IL7: variants seen among roughly 807,000 people sequenced by gnomAD.
IL7 encodes interleukin 7, also known as interleukin-7.
Under a neutral mutation model 21.6 loss-of-function variants are expected in IL7, and 3 were observed. That is an observed-to-expected ratio of 0.14 (90% CI 0.06 to 0.36). IL7 has a LOEUF of 0.36. Ranked by LOEUF, IL7 falls within the 10% of genes least tolerant of loss-of-function variation. The pLI, the probability that IL7 is intolerant of heterozygous loss-of-function variation, is 1.00. For missense variants in IL7, 175 were observed against 200.2 expected (o/e 0.87, Z 0.76); for synonymous variants, 62 against 68.1 (o/e 0.91, Z 0.44).
intron 3 of IL7, among the ~76,000 whole-genome samples, chr8:78,727,089 A>T (rs1172826593): frequency 6.6e-6 from 1 of 151,982 alleles, no homozygotes; most frequent in Non-Finnish European, 1.5e-5. Flanking sequence ...GTGGGCCTCT[A>T]TGCCTCTCTT....
At chr8:78,679,520 C>T (rs1293008754) in intron 4 of IL7, 1 of 151,960 alleles carries the variant, frequency 6.6e-6, no homozygotes, top group Non-Finnish European at 1.5e-5. Flanking sequence ...CTGAAAGTTT[C>T]TGATTCATGG....
chr8:78,774,151 T>TA (rs1314538028), intron 2 of IL7, among the ~76,000 whole-genome samples: 1 of 152,128 alleles, frequency 6.6e-6, no homozygotes, highest in Non-Finnish European at 1.5e-5. Flanking sequence ...TTTCATTACT[T>TA]ATAATAATTT....
At chr8:78,754,617 T>C (rs1310721956) in intron 2 of IL7, among the ~76,000 whole-genome samples, 3 of 152,172 alleles carry the variant, frequency 2.0e-5, no homozygotes, top group Non-Finnish European at 4.4e-5. Context: ...GCTGGAGGCG[T>C]CACGCTACCT....
At chr8:78,690,125 A>T (rs1372100088) in intron 3 of IL7, among the ~76,000 whole-genome samples, 3 of 152,206 alleles carry the variant, frequency 2.0e-5, no homozygotes, top group African/African-American at 7.2e-5. Flanking sequence ...GTATGGGTTT[A>T]TTTCAGGACA....
At chr8:78,771,500 A>G (rs2130787996) in intron 2 of IL7, among the ~76,000 whole-genome samples, 1 of 152,230 alleles carries the variant, frequency 6.6e-6, no homozygotes, top group East Asian at 1.9e-4. Context: ...GGAAGAATAA[A>G]GAAACCCTGG....
At chr8:78,701,303 T>C (rs576797408) in intron 3 of IL7, among the ~76,000 whole-genome samples, 1 of 152,304 alleles carries the variant, frequency 6.6e-6, no homozygotes, top group African/African-American at 2.4e-5. Flanking sequence ...TAGCTGTTAT[T>C]AGTGTATAGG....
chr8:78,739,728 T>TA (rs1391260728), intron 3 of IL7, among the ~76,000 whole-genome samples: 1 of 148,210 alleles, frequency 6.7e-6, no homozygotes, highest in Non-Finnish European at 1.5e-5. Flanking sequence ...AGAAAGAAAA[T>TA]AAGAGATAGG....
rs2130658702 is a variant in IL7 at position 78,733,769 on chromosome 8, A to G, written c.478T>C (p.Leu160=). Residue 160 remains leucine, a synonymous_variant, in exon 6 of 6, where the codon TTA becomes CTA. Coordinates refer to ENST00000263851, the MANE Select transcript of IL7 (RefSeq NM_000880.4). ...LNDLCFLKRL[L]QEIKTCWNKI... Reference sequence around the variant, plus strand: ...TTCCAACAAGTTTTTATCTCTTGTAATAGTCTCTTTAGGAAACACAAGTCA... The same window carrying G: ...TTCCAACAAGTTTTTATCTCTTGTAGTAGTCTCTTTAGGAAACACAAGTCA... 2 of 1,600,976 alleles carry G rather than the reference A, an allele frequency of 1.2e-6. No homozygotes were observed. The highest frequency in any genetic ancestry group is 1.1e-5 in the South Asian group (1 of 88,372).
chr8:78,770,694 C>CACACACAT (rs1355347159), intron 2 of IL7, among the ~76,000 whole-genome samples: 2 of 152,036 alleles, frequency 1.3e-5, no homozygotes, highest in Non-Finnish European at 2.9e-5. Context: ...CACGCACACA[C>CACACACAT]ACACACATAC....
chr8:78,714,142 G>A (rs1811027371), downstream of IL7, among the ~76,000 whole-genome samples: 1 of 152,118 alleles, frequency 6.6e-6, no homozygotes, highest in Non-Finnish European at 1.5e-5. Context: ...TTTGATTAAA[G>A]CTCTATAGAG....
intron 2 of IL7, among the ~76,000 whole-genome samples, chr8:78,792,439 A>G (rs1295255400): frequency 6.6e-6 from 1 of 152,176 alleles, no homozygotes; most frequent in Non-Finnish European, 1.5e-5. Flanking sequence ...TGGACTTCAT[A>G]AAAGTTAAAA....
At chr8:78,782,827 C>G (rs1813381993) in intron 2 of IL7, among the ~76,000 whole-genome samples, 1 of 152,112 alleles carries the variant, frequency 6.6e-6, no homozygotes, top group African/African-American at 2.4e-5. Context: ...CCGCTCCTCC[C>G]CCCAGAAGCT....
intron 2 of IL7, chr8:78,746,882 G>A (rs1811996284): frequency 5.6e-6 from 2 of 357,186 alleles, no homozygotes; most frequent in Admixed American, 3.8e-5. Context: ...TGAAACAGCT[G>A]TTCATTCTTA....
intron 2 of IL7, among the ~76,000 whole-genome samples, chr8:78,791,258 A>C (rs1159332825): frequency 6.6e-6 from 1 of 152,198 alleles, no homozygotes; most frequent in Non-Finnish European, 1.5e-5. Flanking sequence ...TATAGATGTC[A>C]CTACATAAAA....
At chr8:78,794,234 A>T (rs966185732) in intron 2 of IL7, among the ~76,000 whole-genome samples, 1 of 152,116 alleles carries the variant, frequency 6.6e-6, no homozygotes, top group Admixed American at 6.6e-5. Context: ...CTTTGCCCAG[A>T]TCTATTAGAT....
Position 78,733,811 on chromosome 8 carries a change from C to A in IL7, c.436G>T (p.Glu146Ter). 6.4e-7 allele frequency: 1 copy of A among 1,564,038 alleles called. No individual in the cohort carries two copies. The highest frequency in any genetic ancestry group is 8.7e-7 in the Non-Finnish European group (1 of 1,154,946). The change falls in exon 6 of 6, where the codon GAA becomes TAA. Residue 146 changes from glutamate to a stop codon, truncating the protein, a stop_gained. Coordinates refer to ENST00000263851, the MANE Select transcript of IL7 (RefSeq NM_000880.4). LOFTEE classifies it high-confidence loss of function. Reference sequence around the variant, plus strand: ...CACAAGTCATTCAGTTTTTTCTGTTCCTTTAAAGATTTATTTTCTTCCTAG... The same window carrying A: ...CACAAGTCATTCAGTTTTTTCTGTTACTTTAAAGATTTATTTTCTTCCTAG... ...KSLEENKSLK[E>*]QKKLNDLCFL...
chr8:78,679,337 A>T (rs534170618), intron 4 of IL7: 1 of 152,166 alleles, frequency 6.6e-6, no homozygotes, highest in Non-Finnish European at 1.5e-5. Context: ...TCTGATATCA[A>T]TATCTGTGGA....
At chr8:78,699,009 T>C (rs1810518540) in intron 3 of IL7, among the ~76,000 whole-genome samples, 1 of 152,164 alleles carries the variant, frequency 6.6e-6, no homozygotes, top group South Asian at 2.1e-4. Flanking sequence ...GTTTTTATTA[T>C]AATGTTAGAA....
At chr8:78,754,177 G>C (rs1812269727) in intron 2 of IL7, among the ~76,000 whole-genome samples, 1 of 152,118 alleles carries the variant, frequency 6.6e-6, no homozygotes, top group South Asian at 2.1e-4. Flanking sequence ...AACTCCTTAA[G>C]CTGATAAGCA....
Sources: allele counts gnomAD v4.1 joint callset (sites outside exome capture counted in the v4.1 genomes callset), GRCh38; gene constraint gnomAD v4.1.1; transcripts MANE v1.5; gene names NCBI Gene and HGNC (gene_info 2026-07-23, HGNC 2026-07-21).